LAMA2: variants seen among roughly 807,000 people sequenced by gnomAD.
The protein encoded by LAMA2 is laminin subunit alpha 2, also known as laminin subunit alpha-2.
Under a neutral mutation model 364.8 loss-of-function variants are expected in LAMA2, and 269 were observed. The ratio of observed to expected loss-of-function variants is 0.74; its 90% CI spans 0.67 to 0.82. The LOEUF (loss-of-function observed/expected upper bound fraction) is 0.82, where lower values mean the gene tolerates loss of function less well. Ranked by LOEUF, LAMA2 falls within the 40% of genes least tolerant of loss-of-function variation. The pLI, the probability that LAMA2 is intolerant of heterozygous loss-of-function variation, is 0.00. For synonymous variants in LAMA2, 1,379 were observed against 1,370.6 expected (o/e 1.01, Z -0.14); for missense variants, 3,807 against 3,873.2 (o/e 0.98, Z 0.45).
intron 1 of LAMA2, among the ~76,000 whole-genome samples, chr6:129,007,011 C>G (rs1378782200): frequency 6.6e-6 from 1 of 152,072 alleles, no homozygotes; most frequent in African/African-American, 2.4e-5. Flanking sequence ...AACAACCACC[C>G]CTTTGTGCTC....
chr6:129,503,378 C>A, intron 60 of LAMA2, 98 bp downstream of exon 60: 1 of 1,086,148 alleles, frequency 9.2e-7, no homozygotes, highest in Non-Finnish European at 1.4e-6. Flanking sequence ...AGGGCAGACA[C>A]TGACTCTGGC....
At chr6:129,234,840 T>C (rs1784881269) in intron 12 of LAMA2, among the ~76,000 whole-genome samples, 1 of 152,194 alleles carries the variant, frequency 6.6e-6, no homozygotes, top group Admixed American at 6.6e-5. Flanking sequence ...TCTGTGTCTT[T>C]ATGAAACTAG....
intron 30 of LAMA2, among the ~76,000 whole-genome samples, chr6:129,342,853 G>A (rs980985302): frequency 6.6e-6 from 1 of 151,878 alleles, no homozygotes; most frequent in Non-Finnish European, 1.5e-5. Flanking sequence ...TAATTTTTGT[G>A]GCTGTTTCCA....
rs398123373 is a variant in LAMA2 at position 129,316,089 on chromosome 6, C to G, written c.3976C>G (p.Arg1326Gly). 1.2e-6 allele frequency: 2 copies of G among 1,612,018 alleles called. No homozygotes were observed. Among genetic ancestry groups the G allele is most frequent in the Non-Finnish European group, 1.7e-6 (2 of 1,178,278 alleles). Residue 1326 changes from arginine (R) to glycine (G), a missense_variant, in exon 27 of 65, where the codon CGA becomes GGA. Around this residue, in one of 3 missense-constraint regions of LAMA2, gnomAD observed 3,333 missense variants for 3,345.7 expected, o/e 1.00. Transcript: ENST00000421865. Reference sequence around the variant, plus strand: ...TCCTCGAGTCCATAGAACTGTGACCCGAGAAGACTTCTTGGATATACTATA... The same window carrying G: ...TCCTCGAGTCCATAGAACTGTGACCGGAGAAGACTTCTTGGATATACTATA... ...DDPRVHRTVT[R>G]EDFLDILYDI... is the part of the protein sequence containing the mutation.
rs772184574 is a variant in LAMA2 at position 129,147,016 on chromosome 6, G to T, written c.877G>T (p.Ala293Ser). ...AGGGATGTGCATCTGCTATGGTCAT[G>T]CCAGGGCTTGTCCACTTGATCCAGC... ...VGGMCICYGH[A>S]RACPLDPATN... Residue 293 changes from alanine to serine, a missense_variant, in exon 6 of 65, where the codon GCC becomes TCC. Coordinates refer to ENST00000421865, the MANE Select transcript of LAMA2 (RefSeq NM_000426.4). 9.3e-6 allele frequency: 15 copies of T among 1,611,442 alleles called. No homozygotes were observed. The highest frequency in any genetic ancestry group is 1.2e-5 in the Non-Finnish European group (14 of 1,177,884).
At chr6:128,894,132 T>G (rs1006748576) in intron 1 of LAMA2, among the ~76,000 whole-genome samples, 2 of 152,120 alleles carry the variant, frequency 1.3e-5, no homozygotes, top group Non-Finnish European at 1.5e-5. Context: ...TATCTGAAAC[T>G]GCATCAACGA....
At chr6:128,964,282 T>A (rs1241831986) in intron 1 of LAMA2, among the ~76,000 whole-genome samples, 1 of 152,064 alleles carries the variant, frequency 6.6e-6, no homozygotes, top group African/African-American at 2.4e-5. Flanking sequence ...CTGGCTGTAT[T>A]TTCCGACTGA....
chr6:129,158,687 C>T lies in LAMA2; in HGVS notation c.1206+4004C>T, dbSNP rs2230176. Reference sequence around the variant, plus strand: ...GCCATCGAATGCTGCCATCAAAAAACGGACCTATGACAACAGGGGGCATGT... The same window carrying T: ...GCCATCGAATGCTGCCATCAAAAAATGGACCTATGACAACAGGGGGCATGT... On this transcript the variant is annotated intron_variant, in intron 8 of 64. Transcript: ENST00000421865. The T allele has an allele frequency of 2.4e-5, 39 of 1,614,106 alleles. No individual in the cohort carries two copies. The South Asian group carries it at 3.2e-4, about 13-fold the overall frequency.
chr6:129,282,589 G>A (rs1335504568), intron 18 of LAMA2, among the ~76,000 whole-genome samples: 1 of 152,018 alleles, frequency 6.6e-6, no homozygotes, highest in Non-Finnish European at 1.5e-5. Context: ...CATGTGATAG[G>A]GCCAGCCAGT....
At chr6:129,278,942 T>C (rs541279123) in intron 17 of LAMA2, among the ~76,000 whole-genome samples, 2 of 152,284 alleles carry the variant, frequency 1.3e-5, no homozygotes, top group East Asian at 3.9e-4. Context: ...CATGATCTGA[T>C]CTGCACCAAA....
intron 3 of LAMA2, among the ~76,000 whole-genome samples, chr6:129,062,082 C>T (rs1788960413): frequency 6.6e-6 from 1 of 152,176 alleles, no homozygotes; most frequent in African/African-American, 2.4e-5. Flanking sequence ...CAAGAAAGAG[C>T]TTCAGACTTC....
intron 45 of LAMA2, among the ~76,000 whole-genome samples, chr6:129,450,612 C>T (rs1782627949): frequency 6.6e-6 from 1 of 152,164 alleles, no homozygotes; most frequent in Admixed American, 6.5e-5. Flanking sequence ...TGAGCCATCA[C>T]ACCCAGCCTC....
Position 129,149,117 on chromosome 6 carries a change from C to G in LAMA2, c.1027+21C>G, listed in dbSNP as rs200995222. 9.7e-5 allele frequency: 131 copies of G among 1,346,860 alleles called. No homozygotes were observed. The East Asian group carries it at 2.9e-3, about 30-fold the overall frequency. The allele number at this position is 1,346,860 out of a possible 1,614,324, so 83.4% of individuals were successfully genotyped here. A position where few individuals can be genotyped will look rare whatever the true frequency, so the allele number is the denominator to read the frequency against. ...TGAAGGTATGTTCTTTAGAAGCCAACAAAATATGTCATTCTTCCTTTCCAA... is the reference window on the plus strand; with the variant it reads ...TGAAGGTATGTTCTTTAGAAGCCAAGAAAATATGTCATTCTTCCTTTCCAA... On this transcript the variant is annotated intron_variant, in intron 7 of 64. Transcript: ENST00000421865.
At chr6:129,222,875 G>T (rs1385830883) in intron 12 of LAMA2, among the ~76,000 whole-genome samples, 4 of 152,132 alleles carry the variant, frequency 2.6e-5, no homozygotes, top group African/African-American at 9.7e-5. Context: ...GGATGACTGG[G>T]TCAAATGGTA....
At chr6:129,499,824 T>A (rs1785484383) in intron 58 of LAMA2, among the ~76,000 whole-genome samples, 1 of 152,174 alleles carries the variant, frequency 6.6e-6, no homozygotes, top group South Asian at 2.1e-4. Context: ...CTCAAGTGAT[T>A]CTCCTGCCTT....
Position 129,464,417 on chromosome 6 carries a change from A to C in LAMA2, c.7120A>C (p.Ser2374Arg). The C allele has an allele frequency of 6.2e-7, 1 of 1,612,364 alleles. No individual in the cohort carries two copies. The highest frequency in any genetic ancestry group is 8.5e-7 in the Non-Finnish European group (1 of 1,178,772). ...VMFKFRTFSSSALLMYLATRD... is the reference protein window; with the variant it reads ...VMFKFRTFSSRALLMYLATRD... ...GTTCAAGTTCAGAACATTTTCTTCG[A>C]GTGCTCTTCTGATGTATCTTGCCAC... The change falls in exon 50 of 65, where the codon AGT (serine) becomes CGT (arginine). Residue 2374 changes from serine (S) to arginine (R), a missense_variant. Transcript: ENST00000421865.
chr6:129,165,719 C>A, intron 9 of LAMA2, 44 bp downstream of exon 9: 1 of 1,125,846 alleles, frequency 8.9e-7, no homozygotes, highest in Non-Finnish European at 1.4e-6. Context: ...AAAAGGACAA[C>A]TAAAAGCCAA....
At position 129,312,893 on chromosome 6, in the gene LAMA2, T is replaced by C; in HGVS notation, c.3207T>C (p.Asp1069=). 1 of 1,614,156 alleles carries C rather than the reference T, an allele frequency of 6.2e-7. No homozygotes were observed. Among genetic ancestry groups the C allele is most frequent in the Non-Finnish European group, 8.5e-7 (1 of 1,179,994 alleles). ...ACNCSTVGSL[D]FQCNVNTGQC... ...ACTGCAGCACAGTGGGATCCTTGGA[T>C]TTCCAATGCAATGTAAATACAGGCC... is the stretch of plus-strand genomic sequence containing the variant. The change falls in exon 23 of 65, where the codon GAT becomes GAC. Residue 1069 remains aspartate (D), a synonymous_variant. Coordinates refer to ENST00000421865, the MANE Select transcript of LAMA2 (RefSeq NM_000426.4).
At chr6:129,103,784 T>G (rs1274886802) in intron 4 of LAMA2, among the ~76,000 whole-genome samples, 1 of 152,082 alleles carries the variant, frequency 6.6e-6, no homozygotes, top group African/African-American at 2.4e-5. Context: ...CTTCTATTAA[T>G]AGGTAGATTT....
Sources: allele counts gnomAD v4.1 joint callset (sites outside exome capture counted in the v4.1 genomes callset), GRCh38; gene constraint gnomAD v4.1.1; regional missense constraint gnomAD v4.1.1; transcripts MANE v1.5; gene names NCBI Gene and HGNC (gene_info 2026-07-23, HGNC 2026-07-21).